The following CLDN10 variants were observed in gnomAD, a reference collection of about 807,000 sequenced individuals.
The protein encoded by CLDN10 is claudin-10.
A neutral mutation model predicts 22.9 loss-of-function variants in CLDN10; 15 were observed. The ratio of observed to expected loss-of-function variants is 0.65; its 90% CI spans 0.44 to 1.01. The LOEUF (loss-of-function observed/expected upper bound fraction) is 1.01, where lower values mean the gene tolerates loss of function less well. CLDN10 is among the 50% of genes least tolerant of loss of function. The probability of loss-of-function intolerance (pLI) is 0.00; values close to 1 mark genes in which losing one functional copy is unlikely to be tolerated. For missense variants in CLDN10, 247 were observed against 287.8 expected (o/e 0.86, Z 1.03); for synonymous variants, 114 against 111.4 (o/e 1.02, Z -0.15).
rs555827487 is a variant in CLDN10, at chr13:95,433,995, C to T, written c.162C>T (p.Asn54=). The T allele has an allele frequency of 2.5e-6, 4 of 1,614,212 alleles. No homozygotes were observed. In the South Asian group the frequency reaches 3.3e-5, roughly 13 times the overall value. The change falls in exon 1 of 5, where the codon AAC becomes AAT. Residue 54 remains asparagine (N), a synonymous_variant. Transcript: ENST00000376873. ...GTCTGTGGATGAACTGCGCAGGTAACGCGTTGGGTTCTTTCCATTGCCGAC... is the reference window on the plus strand; with the variant it reads ...GTCTGTGGATGAACTGCGCAGGTAATGCGTTGGGTTCTTTCCATTGCCGAC...
chr13:95,552,998 C>T (rs779172671), intron 1 of CLDN10, 25 bp downstream of exon 1: 9 of 1,611,464 alleles, frequency 5.6e-6, no homozygotes, highest in Middle Eastern at 1.7e-4. Flanking sequence ...GGCCCCCGCC[C>T]TCAGCCCTCC....
intron 1 of CLDN10, among the ~76,000 whole-genome samples, chr13:95,488,334 G>T (rs955995988): frequency 6.6e-6 from 1 of 151,338 alleles, no homozygotes; most frequent in African/African-American, 2.4e-5. Flanking sequence ...GAACCACCAT[G>T]CCTGGCCTCA....
At chr13:95,444,172 C>T (rs954652062) in intron 1 of CLDN10, among the ~76,000 whole-genome samples, 3 of 152,168 alleles carry the variant, frequency 2.0e-5, no homozygotes, top group Non-Finnish European at 4.4e-5. Context: ...AAATTGCATC[C>T]TAAAGGAGAT....
chr13:95,442,516 T>C (rs2042333866), intron 1 of CLDN10, among the ~76,000 whole-genome samples: 1 of 152,222 alleles, frequency 6.6e-6, no homozygotes, highest in Admixed American at 6.5e-5. Context: ...CATTTCGATG[T>C]CAGTTACTCA....
At chr13:95,539,237 ATG>A (rs2043435121) in intron 1 of CLDN10, among the ~76,000 whole-genome samples, 1 of 152,230 alleles carries the variant, frequency 6.6e-6, no homozygotes, top group Non-Finnish European at 1.5e-5. Flanking sequence ...ACCAGATCAA[ATG>A]TTTGAGGATA....
At chr13:95,449,739 A>ATTTT (rs59868615) in intron 1 of CLDN10, among the ~76,000 whole-genome samples, 2,619 of 132,514 alleles carry the variant, frequency 0.02, 68 homozygotes, top group East Asian at 0.057. Flanking sequence ...TAATTTTTAA[A>ATTTT]TTTTTTTTTT....
intron 1 of CLDN10, among the ~76,000 whole-genome samples, chr13:95,503,074 T>A (rs565159754): frequency 6.6e-6 from 1 of 152,220 alleles, no homozygotes; most frequent in Non-Finnish European, 1.5e-5. Context: ...AAATGCTTCC[T>A]GTGTAGGTGA....
intron 1 of CLDN10, among the ~76,000 whole-genome samples, chr13:95,458,527 A>T (rs1460651318): frequency 6.6e-6 from 1 of 152,200 alleles, no homozygotes; most frequent in Non-Finnish European, 1.5e-5. Context: ...GGCAGCAGGA[A>T]GGAGAAGTGA....
At chr13:95,505,567 T>C (rs1411825982) in intron 1 of CLDN10, among the ~76,000 whole-genome samples, 1 of 152,184 alleles carries the variant, frequency 6.6e-6, no homozygotes, top group East Asian at 1.9e-4. Flanking sequence ...AGGGTGGTTG[T>C]TGGCAGACAG....
chr13:95,506,374 C>T (rs1408374553), intron 1 of CLDN10, among the ~76,000 whole-genome samples: 14 of 152,200 alleles, frequency 9.2e-5, no homozygotes, highest in Admixed American at 8.5e-4. Context: ...AACAGCCAGT[C>T]AGTGCAGGAA....
intron 1 of CLDN10, among the ~76,000 whole-genome samples, chr13:95,443,705 T>G (rs1004320774): frequency 7.9e-5 from 12 of 152,096 alleles, no homozygotes; most frequent in African/African-American, 2.9e-4. Flanking sequence ...CTGGGGTGAT[T>G]AGGGCAGGGA....
intron 1 of CLDN10, among the ~76,000 whole-genome samples, chr13:95,487,586 CAG>C (rs1453896568): frequency 1.3e-5 from 2 of 152,174 alleles, no homozygotes; most frequent in Non-Finnish European, 2.9e-5. Context: ...ACAAAAATAA[CAG>C]AGAAGAGTAT....
At chr13:95,553,471 G>C (rs2043593913) in intron 1 of CLDN10, among the ~76,000 whole-genome samples, 2 of 152,290 alleles carry the variant, frequency 1.3e-5, no homozygotes, top group Non-Finnish European at 2.9e-5. Context: ...TCTTTTAAAA[G>C]TAGGCGGGGG....
chr13:95,464,762 C>T (rs1327248249), intron 1 of CLDN10, among the ~76,000 whole-genome samples: 1 of 151,882 alleles, frequency 6.6e-6, no homozygotes, highest in Non-Finnish European at 1.5e-5. Context: ...GACAGGGCCT[C>T]ACTCTGTCAC....
At chr13:95,518,726 T>G (rs2043195209) in intron 1 of CLDN10, among the ~76,000 whole-genome samples, 1 of 151,602 alleles carries the variant, frequency 6.6e-6, no homozygotes, top group African/African-American at 2.4e-5. Flanking sequence ...ACCACTGCAC[T>G]CCAGCCTGAG....
chr13:95,508,244 T>G (rs1594573816), intron 1 of CLDN10, among the ~76,000 whole-genome samples: 1 of 152,274 alleles, frequency 6.6e-6, no homozygotes, highest in East Asian at 1.9e-4. Flanking sequence ...CTACCTAATA[T>G]AAGGTCACCA....
At chr13:95,495,722 C>T (rs746863561) in intron 1 of CLDN10, among the ~76,000 whole-genome samples, 9 of 126,350 alleles carry the variant, frequency 7.1e-5, no homozygotes, top group Non-Finnish European at 1.4e-4. Flanking sequence ...CTAGCCTGGG[C>T]GACAGAGCCA....
chr13:95,557,075 C>T (rs1002236231), intron 1 of CLDN10, among the ~76,000 whole-genome samples: 3 of 152,174 alleles, frequency 2.0e-5, no homozygotes, highest in African/African-American at 7.2e-5. Context: ...GATTTTCAGC[C>T]AGCTTGTTTT....
chr13:95,558,155 G>A (rs376986532), intron 1 of CLDN10, among the ~76,000 whole-genome samples: 48 of 152,226 alleles, frequency 3.2e-4, no homozygotes, highest in East Asian at 1.7e-3. Context: ...CAAAAAGAGC[G>A]AAACCACACT....
Sources: allele counts gnomAD v4.1 joint callset (sites outside exome capture counted in the v4.1 genomes callset), GRCh38; gene constraint gnomAD v4.1.1; transcripts MANE v1.5; gene names NCBI Gene and HGNC (gene_info 2026-07-23, HGNC 2026-07-21).